The following RIMS1 variants were observed in gnomAD, a reference collection of about 807,000 sequenced individuals.
RIMS1 encodes the protein regulating synaptic membrane exocytosis 1, also known as regulating synaptic membrane exocytosis protein 1.
Under a neutral mutation model 214.1 loss-of-function variants are expected in RIMS1, and 83 were observed. The observed-to-expected ratio is 0.39, with a 90% confidence interval of 0.32 to 0.47. The LOEUF is 0.47. RIMS1 is among the 20% of genes least tolerant of loss of function. RIMS1 has a pLI of 0.99. For synonymous variants in RIMS1, 793 were observed against 786.8 expected (o/e 1.01, Z -0.13); for missense variants, 2,050 against 2,161.8 (o/e 0.95, Z 1.03).
intron 1 of RIMS1, among the ~76,000 whole-genome samples, chr6:71,934,355 A>G (rs566685492): frequency 5.9e-5 from 9 of 152,314 alleles, no homozygotes; most frequent in African/African-American, 1.9e-4. Flanking sequence ...GTTGCGATGA[A>G]TCACAGTTTG....
chr6:72,207,757 A>C (rs2053174661), intron 6 of RIMS1, among the ~76,000 whole-genome samples: 1 of 151,692 alleles, frequency 6.6e-6, no homozygotes, highest in Non-Finnish European at 1.5e-5. Context: ...CGTAGGCAAA[A>C]CAAACAAACA....
At chr6:72,253,565 A>C (rs1379277644) in intron 16 of RIMS1, among the ~76,000 whole-genome samples, 1 of 152,214 alleles carries the variant, frequency 6.6e-6, no homozygotes, top group Non-Finnish European at 1.5e-5. Context: ...GTAAATATGC[A>C]AATAAGAAGA....
At chr6:72,009,490 G>A (rs2151835339) in intron 2 of RIMS1, among the ~76,000 whole-genome samples, 1 of 152,230 alleles carries the variant, frequency 6.6e-6, no homozygotes, top group Middle Eastern at 3.4e-3. Context: ...AGAACTGAAG[G>A]AAATAGAGAC....
At chr6:72,062,972 G>A (rs1381287431) in intron 2 of RIMS1, among the ~76,000 whole-genome samples, 1 of 152,004 alleles carries the variant, frequency 6.6e-6, no homozygotes. Context: ...TACTTTATAA[G>A]GACTCTGTTT....
At chr6:72,017,434 G>T (rs9342915) in intron 2 of RIMS1, among the ~76,000 whole-genome samples, 3 of 152,018 alleles carry the variant, frequency 2.0e-5, no homozygotes, top group Non-Finnish European at 4.4e-5. Context: ...TTTACCAATT[G>T]GATGTGAAAG....
chr6:72,229,371 G>T (rs1023206294), intron 6 of RIMS1, among the ~76,000 whole-genome samples: 2 of 151,818 alleles, frequency 1.3e-5, no homozygotes, highest in African/African-American at 4.8e-5. Flanking sequence ...TGTAAATTTT[G>T]CAACAGTACA....
chr6:72,352,710 G>A (rs1222662249), intron 29 of RIMS1, among the ~76,000 whole-genome samples: 6 of 152,022 alleles, frequency 3.9e-5, no homozygotes, highest in Admixed American at 1.3e-4. Flanking sequence ...AGTATAAAAG[G>A]GAAATGGAGA....
chr6:72,052,478 C>T (rs1021373782), intron 2 of RIMS1, among the ~76,000 whole-genome samples: 1 of 152,186 alleles, frequency 6.6e-6, no homozygotes, highest in East Asian at 1.9e-4. Context: ...TGGTTGACCA[C>T]TCATTGACCT....
At chr6:72,393,569 CA>C (rs1168767955) in intron 31 of RIMS1, among the ~76,000 whole-genome samples, 1 of 151,360 alleles carries the variant, frequency 6.6e-6, no homozygotes, top group African/African-American at 2.4e-5. Flanking sequence ...ACTAAAAATA[CA>C]AAAAAAATTA....
intron 2 of RIMS1, among the ~76,000 whole-genome samples, chr6:72,070,640 T>C (rs568578172): frequency 2.3e-4 from 35 of 152,320 alleles, no homozygotes; most frequent in African/African-American, 7.9e-4. Flanking sequence ...AGGGAGTGTT[T>C]TCAAAATACA....
chr6:72,116,057 G>A (rs1019248386), intron 4 of RIMS1, among the ~76,000 whole-genome samples: 1 of 151,780 alleles, frequency 6.6e-6, no homozygotes. Flanking sequence ...TGTATTTCTT[G>A]TGACATTGCT....
At chr6:71,997,542 T>C (rs1803836191) in intron 2 of RIMS1, among the ~76,000 whole-genome samples, 1 of 152,174 alleles carries the variant, frequency 6.6e-6, no homozygotes, top group African/African-American at 2.4e-5. Flanking sequence ...CATCACAAAA[T>C]TTAAATAGCA....
In RIMS1 at chr6:72,009,746, G is replaced by A. The variant is rs1055018694; in HGVS notation, c.245+40683G>A. Among the ~76,000 whole-genome samples, 94 of 152,056 alleles carry A rather than the reference G, an allele frequency of 6.2e-4. 1 individual carries two copies. Among genetic ancestry groups the A allele is most frequent in the Non-Finnish European group, 3.4e-4 (23 of 67,998 alleles). On this transcript the variant is annotated intron_variant, in intron 2 of 33. Transcript: ENST00000521978. ...TCTAGAAGAAATGGATAAATTCCTC[G>A]ACACATACACCCTCCCAAGACTAAA... is the stretch of plus-strand genomic sequence containing the variant.
At chr6:72,057,545 TTG>T (rs1826608585) in intron 2 of RIMS1, among the ~76,000 whole-genome samples, 1 of 150,826 alleles carries the variant, frequency 6.6e-6, no homozygotes, top group African/African-American at 2.4e-5. Flanking sequence ...TCTCGCTCTG[TTG>T]CCCAGGCTGG....
At chr6:72,103,492 C>G (rs968652430) in intron 4 of RIMS1, among the ~76,000 whole-genome samples, 1 of 151,948 alleles carries the variant, frequency 6.6e-6, no homozygotes, top group Non-Finnish European at 1.5e-5. Flanking sequence ...TATAATTTTT[C>G]AAATCAGTAT....
chr6:72,290,726 C>G lies in RIMS1; in HGVS notation c.3602C>G (p.Ala1201Gly). 6.2e-7 allele frequency: 1 copy of G among 1,613,800 alleles called. No individual in the cohort carries two copies. The highest frequency in any genetic ancestry group is 8.5e-7 in the Non-Finnish European group (1 of 1,179,764). Residue 1201 changes from alanine (A) to glycine (G), a missense_variant, in exon 25 of 34, where the codon GCA (alanine) becomes GGA (glycine). Physicochemically the swap from Ala to Gly is moderately conservative, Grantham distance 60. Coordinates refer to ENST00000521978, the MANE Select transcript of RIMS1 (RefSeq NM_014989.7). ...AGAAGGGGACACGCAGCCCCAAGAG[C>G]AACTGATCAGCCAGTCATTAGGGGA... ...LSRRGHAAPR[A>G]TDQPVIRGKH...
chr6:72,129,117 A>T (rs1416246680), intron 4 of RIMS1, among the ~76,000 whole-genome samples: 1 of 152,182 alleles, frequency 6.6e-6, no homozygotes. Flanking sequence ...TCTGGACTCC[A>T]GGAAGCCTGT....
At chr6:71,949,545 CT>C (rs1433422089) in intron 1 of RIMS1, among the ~76,000 whole-genome samples, 3 of 152,132 alleles carry the variant, frequency 2.0e-5, no homozygotes, top group Admixed American at 6.5e-5. Context: ...CTTCAGTTTT[CT>C]CACCTGAAAA....
At chr6:72,204,236 T>C (rs186930509) in intron 6 of RIMS1, among the ~76,000 whole-genome samples, 2 of 152,302 alleles carry the variant, frequency 1.3e-5, no homozygotes, top group Non-Finnish European at 2.9e-5. Context: ...AGATAATAAA[T>C]GGGAAAGTAT....
Sources: gnomAD v4.1 joint callset for allele counts (sites outside exome capture counted in the v4.1 genomes callset) on GRCh38, gnomAD v4.1.1 for gene constraint, MANE v1.5 for transcripts, NCBI Gene and HGNC (gene_info 2026-07-23, HGNC 2026-07-21) for gene names.